Variants in DGKG observed in about 807,000 individuals in gnomAD.
DGKG encodes DAG kinase gamma.
DGKG carries 78 observed loss-of-function variants against 105.3 expected under a neutral mutation model. The ratio of observed to expected loss-of-function variants is 0.74; its 90% CI spans 0.62 to 0.89. The LOEUF (loss-of-function observed/expected upper bound fraction) is 0.89, where lower values mean the gene tolerates loss of function less well. Ranked by LOEUF, DGKG falls within the 40% of genes least tolerant of loss-of-function variation. The probability of loss-of-function intolerance (pLI) is 0.00; values close to 1 mark genes in which losing one functional copy is unlikely to be tolerated. For synonymous variants in DGKG, 346 were observed against 367.1 expected, an observed-to-expected ratio of 0.94 and a Z score of 0.66; for missense variants, 958 against 1,020.1, an observed-to-expected ratio of 0.94 and a Z score of 0.83.
rs1716253543 is a variant in DGKG, at chr3:186,160,748, GTA to G, written c.2277+853_2277+854del. The stretch of plus-strand genomic sequence containing the variant: ...TCTTATTGAGGGTATTACGCATGTA[GTA>G]TCCCAGCAGAGGCCCTGAAAACCAG... On this transcript the variant is annotated intron_variant, in intron 24 of 24. Coordinates refer to ENST00000265022, the MANE Select transcript of DGKG (RefSeq NM_001346.3). 7.1e-6 allele frequency: 7 copies of G among 985,400 alleles called. No individual in the cohort carries two copies. In the East Asian group the frequency reaches 5.7e-4, roughly 80 times the overall value. 61.0% of individuals were successfully genotyped at this position (985,400 alleles called of 1,614,324 possible).
chr3:186,291,027 T>C (rs1188190960), intron 5 of DGKG, among the ~76,000 whole-genome samples: 1 of 152,208 alleles, frequency 6.6e-6, no homozygotes, highest in African/African-American at 2.4e-5. Context: ...AGTGAGTAAA[T>C]GCCTTTCTGG....
intron 8 of DGKG, 114 bp from the exon 9 acceptor site, chr3:186,280,087 C>T (rs954071372): frequency 1.5e-6 from 2 of 1,355,272 alleles, no homozygotes; most frequent in African/African-American, 1.4e-5. Flanking sequence ...TTACCCCTTT[C>T]CCCTCCTGTT....
At chr3:186,200,251 C>T (rs912271213) in intron 21 of DGKG, among the ~76,000 whole-genome samples, 5 of 152,134 alleles carry the variant, frequency 3.3e-5, no homozygotes, top group African/African-American at 1.2e-4. Context: ...GGAGGATGCT[C>T]TGTGTGCCCC....
At chr3:186,276,703 C>T (rs1021204955) in intron 9 of DGKG, among the ~76,000 whole-genome samples, 1 of 152,342 alleles carries the variant, frequency 6.6e-6, no homozygotes, top group East Asian at 1.9e-4. Flanking sequence ...GGGAACACAG[C>T]ACAGCTTGAG....
chr3:186,174,445 G>GA (rs1335723851), intron 22 of DGKG, among the ~76,000 whole-genome samples: 2 of 151,886 alleles, frequency 1.3e-5, no homozygotes, highest in African/African-American at 4.8e-5. Context: ...AAGGATAAGT[G>GA]AAAAAAAGGA....
At chr3:186,305,239 A>G (rs1724171445) in intron 3 of DGKG, among the ~76,000 whole-genome samples, 1 of 152,198 alleles carries the variant, frequency 6.6e-6, no homozygotes, top group Non-Finnish European at 1.5e-5. Flanking sequence ...GAGGGCTTCA[A>G]GTTTTAGATG....
At position 186,148,348 on chromosome 3, in the gene DGKG, A is replaced by T. The variant is rs928654174; in HGVS notation, c.*1742T>A. The stretch of plus-strand genomic sequence containing the variant: ...TCCAAACTAAGAGACTATGATGACC[A>T]TGATGAGGTGACATGTGGAGAGTTC... On this transcript the variant is annotated 3_prime_UTR_variant, in exon 25 of 25. Transcript: ENST00000265022. 2.0e-6 allele frequency: 2 copies of T among 985,362 alleles called. No individual in the cohort carries two copies. Among genetic ancestry groups the T allele is most frequent in the African/African-American group, 3.5e-5 (2 of 57,238 alleles). 61.0% of individuals were successfully genotyped at this position (985,362 alleles called of 1,614,324 possible). A position where few individuals can be genotyped will look rare whatever the true frequency, so the allele number is the denominator to read the frequency against.
At chr3:186,339,512 A>G (rs1466457829) in intron 1 of DGKG, among the ~76,000 whole-genome samples, 1 of 152,218 alleles carries the variant, frequency 6.6e-6, no homozygotes, top group Admixed American at 6.5e-5. Context: ...AGGTTTTTTC[A>G]TGCTATGAGA....
intron 20 of DGKG, among the ~76,000 whole-genome samples, chr3:186,237,073 A>G (rs953944220): frequency 1.5e-4 from 23 of 152,312 alleles, no homozygotes; most frequent in African/African-American, 5.5e-4. Context: ...GAAGACTTTG[A>G]CGGGATTCTT....
chr3:186,281,906 AAAG>A (rs1187385152), intron 7 of DGKG, among the ~76,000 whole-genome samples: 1 of 152,254 alleles, frequency 6.6e-6, no homozygotes, highest in Non-Finnish European at 1.5e-5. Context: ...TTGGATACTT[AAAG>A]AATCATAGGG....
chr3:186,188,384 A>G lies in DGKG; in HGVS notation c.1918-5T>C. ...GTCCACCCCAACCCCATCACACTGG[A>G]GGACGGAGAGAAAAGGCCATCTGTT... On this transcript the variant is annotated splice_region_variant and splice_polypyrimidine_tract_variant and intron_variant, in intron 21 of 24. Transcript: ENST00000265022. 6.2e-7 allele frequency: 1 copy of G among 1,613,604 alleles called. No individual in the cohort carries two copies. Among genetic ancestry groups the G allele is most frequent in the Non-Finnish European group, 8.5e-7 (1 of 1,179,836 alleles).
rs1340578365 is a variant in DGKG at position 186,149,647 on chromosome 3, C to G, written c.*443G>C. On this transcript the variant is annotated 3_prime_UTR_variant, in exon 25 of 25. Coordinates refer to ENST00000265022, the MANE Select transcript of DGKG (RefSeq NM_001346.3). ...ACAGAGGGAACTTTGTGCAAATTCT[C>G]TGGAACCAGAGCTCCTTCCCTTGGC... 5 of 988,858 alleles carry G rather than the reference C, an allele frequency of 5.1e-6. No individual in the cohort carries two copies. The African/African-American group carries it at 5.2e-5, about 10-fold the overall frequency. The allele number at this position is 988,858 out of a possible 1,614,324, so 61.3% of individuals were successfully genotyped here.
At chr3:186,205,708 C>CAA (rs34372462) in intron 21 of DGKG, among the ~76,000 whole-genome samples, 1 of 149,916 alleles carries the variant, frequency 6.7e-6, no homozygotes, top group African/African-American at 2.5e-5. Flanking sequence ...AGCTCCATCT[C>CAA]AAAAAAAAAC....
Position 186,312,950 on chromosome 3 carries a change from C to T in DGKG, c.68-5973G>A, listed in dbSNP as rs188683943. ...CTAAACTTTGTTTCTGCTCACTGTT[C>T]ATCCCCAGCATGCAGCCCATTGCCT... is the stretch of plus-strand genomic sequence containing the variant. On this transcript the variant is annotated intron_variant, in intron 2 of 24. Coordinates refer to ENST00000265022, the MANE Select transcript of DGKG (RefSeq NM_001346.3). 7.9e-5 allele frequency among the ~76,000 whole-genome samples: 12 copies of T among 152,346 alleles called. No individual in the cohort carries two copies. The East Asian group carries it at 2.3e-3, about 29-fold the overall frequency.
chr3:186,321,231 G>A (rs572430010), intron 1 of DGKG, among the ~76,000 whole-genome samples: 40 of 152,310 alleles, frequency 2.6e-4, no homozygotes, highest in African/African-American at 9.6e-4. Flanking sequence ...GCCGGGAAAT[G>A]GGGATGGATT....
chr3:186,262,498 C>G (rs1434623442), intron 14 of DGKG, among the ~76,000 whole-genome samples: 1 of 152,216 alleles, frequency 6.6e-6, no homozygotes, highest in African/African-American at 2.4e-5. Flanking sequence ...GTCCTGCACA[C>G]CATCCCCACA....
intron 19 of DGKG, among the ~76,000 whole-genome samples, chr3:186,245,410 T>G (rs6798931): frequency 0.13 from 20,014 of 152,198 alleles, 1,794 homozygotes; most frequent in Non-Finnish European, 0.19. Flanking sequence ...GAGATTCACT[T>G]TCACTCTCTG....
intron 24 of DGKG, chr3:186,159,146 T>C (rs1297705366): frequency 6.6e-6 from 1 of 151,444 alleles, no homozygotes; most frequent in Non-Finnish European, 1.5e-5. Flanking sequence ...ATATATTATA[T>C]ATATACAGTC....
chr3:186,151,693 T>C (rs916282375), intron 24 of DGKG, among the ~76,000 whole-genome samples: 2 of 152,112 alleles, frequency 1.3e-5, no homozygotes, highest in Non-Finnish European at 2.9e-5. Context: ...GAGAATAACA[T>C]GACACAAAAG....
Sources: allele counts gnomAD v4.1 joint callset (sites outside exome capture counted in the v4.1 genomes callset), GRCh38; gene constraint gnomAD v4.1.1; transcripts MANE v1.5; gene names NCBI Gene and HGNC (gene_info 2026-07-23, HGNC 2026-07-21).